The following PTPN11 variants were observed in gnomAD, a reference collection of about 807,000 sequenced individuals.
PTPN11 encodes the protein protein tyrosine phosphatase non-receptor type 11.
PTPN11 carries 6 observed loss-of-function variants against 78.8 expected under a neutral mutation model. That is an observed-to-expected ratio of 0.08 (90% CI 0.04 to 0.15). The LOEUF is 0.15. PTPN11 is among the 10% of genes least tolerant of loss of function. PTPN11 has a pLI of 1.00. For missense variants in PTPN11, 386 were observed against 744.8 expected (o/e 0.52, Z 5.61); for synonymous variants, 221 against 263.5 (o/e 0.84, Z 1.56).
intron 1 of PTPN11, among the ~76,000 whole-genome samples, chr12:112,444,145 T>G (rs150913938): frequency 2.1e-4 from 32 of 152,174 alleles, no homozygotes; most frequent in African/African-American, 7.5e-4. Flanking sequence ...CATTGTCCTT[T>G]AGTGACTGGC....
At chr12:112,435,251 C>T (rs983678119) in intron 1 of PTPN11, among the ~76,000 whole-genome samples, 2 of 152,102 alleles carry the variant, frequency 1.3e-5, no homozygotes, top group African/African-American at 4.8e-5. Context: ...AACTCCTGGT[C>T]TCAAGCAATC....
chr12:112,496,908 A>T (rs1002884772), intron 13 of PTPN11, among the ~76,000 whole-genome samples: 4 of 152,222 alleles, frequency 2.6e-5, no homozygotes, highest in Non-Finnish European at 4.4e-5. Flanking sequence ...GTAATGGGTC[A>T]GGCCTATAAT....
chr12:112,467,379 A>G (rs1437427183), intron 6 of PTPN11, among the ~76,000 whole-genome samples: 1 of 152,206 alleles, frequency 6.6e-6, no homozygotes, highest in Non-Finnish European at 1.5e-5. Context: ...TGGCTCCAGC[A>G]TCTGCTTCTG....
chr12:112,496,095 G>T (rs970197136), intron 13 of PTPN11, among the ~76,000 whole-genome samples: 3 of 152,168 alleles, frequency 2.0e-5, no homozygotes, highest in African/African-American at 7.2e-5. Context: ...AGAAAGATTT[G>T]TTCCTTCTCT....
rs1223760786 is a variant in PTPN11, at chr12:112,419,100, G to A, written c.-12G>A. 1.3e-5 allele frequency: 20 copies of A among 1,531,568 alleles called. No individual in the cohort carries two copies. Among genetic ancestry groups the A allele is most frequent in the East Asian group, 5.1e-5 (2 of 39,600 alleles). The allele number at this position is 1,531,568 out of a possible 1,614,324, so 94.9% of individuals were successfully genotyped here. On this transcript the variant is annotated 5_prime_UTR_variant, in exon 1 of 16. Coordinates refer to ENST00000351677, the MANE Select transcript of PTPN11 (RefSeq NM_002834.5). Reference sequence around the variant, plus strand: ...GAGCGGGTCCGTCGCGGAGCCGGAGGGCGGGAGGAACATGACATCGCGGAG... The same window carrying A: ...GAGCGGGTCCGTCGCGGAGCCGGAGAGCGGGAGGAACATGACATCGCGGAG...
intron 7 of PTPN11, 117 bp from the exon 8 acceptor site, chr12:112,477,534 T>G (rs747034536): frequency 2.7e-5 from 22 of 810,942 alleles, no homozygotes; most frequent in Non-Finnish European, 4.5e-5. Flanking sequence ...TTTTATGTGT[T>G]TTTTTTTCAA....
chr12:112,453,018 T>C (rs941531959), intron 3 of PTPN11, among the ~76,000 whole-genome samples, 177 bp from the exon 4 acceptor site: 1 of 152,204 alleles, frequency 6.6e-6, no homozygotes, highest in Non-Finnish European at 1.5e-5. Context: ...TTTGTGGTTT[T>C]TCCTGCCTGC....
intron 13 of PTPN11, among the ~76,000 whole-genome samples, chr12:112,500,257 C>A (rs1592861476): frequency 6.6e-6 from 1 of 152,028 alleles, no homozygotes; most frequent in African/African-American, 2.4e-5. Context: ...ACAACAACAA[C>A]AAAAAAACCA....
intron 13 of PTPN11, among the ~76,000 whole-genome samples, chr12:112,496,811 G>A (rs555850697): frequency 1.2e-4 from 18 of 152,296 alleles, no homozygotes; most frequent in Non-Finnish European, 2.4e-4. Context: ...CACAGGTAGC[G>A]TCTCTACACT....
At chr12:112,431,119 G>A (rs537062703) in intron 1 of PTPN11, among the ~76,000 whole-genome samples, 32 of 152,330 alleles carry the variant, frequency 2.1e-4, no homozygotes, top group African/African-American at 7.0e-4. Context: ...GACACCACCC[G>A]GGTCACAGAT....
intron 1 of PTPN11, among the ~76,000 whole-genome samples, chr12:112,439,616 G>A (rs1469584399): frequency 1.3e-5 from 2 of 151,822 alleles, no homozygotes; most frequent in South Asian, 2.1e-4. Context: ...CTATAGGCGC[G>A]CACCACCATA....
chr12:112,477,940 T>C lies in PTPN11; in HGVS notation c.1017T>C (p.Asn339=). 8.1e-6 allele frequency: 13 copies of C among 1,614,178 alleles called. No homozygotes were observed. The highest frequency in any genetic ancestry group is 1.1e-5 in the Non-Finnish European group (13 of 1,180,030). The change falls in exon 9 of 16, where the codon AAT becomes AAC. Residue 339 remains asparagine, a synonymous_variant. Transcript: ENST00000351677. Reference sequence around the variant, plus strand: ...AAGGCTGCCTGCAAAACACGGTGAATGACTTTTGGCGGATGGTGTTCCAAG... The same window carrying C: ...AAGGCTGCCTGCAAAACACGGTGAACGACTTTTGGCGGATGGTGTTCCAAG... ...ATQGCLQNTV[N]DFWRMVFQEN...
intron 6 of PTPN11, among the ~76,000 whole-genome samples, chr12:112,463,751 C>A (rs2135882991): frequency 6.6e-6 from 1 of 152,250 alleles, no homozygotes; most frequent in Middle Eastern, 3.4e-3. Context: ...AGAGGTCAGA[C>A]TGAGGTGGTA....
intron 13 of PTPN11, among the ~76,000 whole-genome samples, chr12:112,489,653 A>T (rs1197400779): frequency 6.6e-6 from 1 of 152,226 alleles, no homozygotes; most frequent in Non-Finnish European, 1.5e-5. Context: ...ATGAAGAGGA[A>T]TGTGGAATTG....
At chr12:112,448,498 T>C (rs2038028141) in intron 2 of PTPN11, among the ~76,000 whole-genome samples, 1 of 152,204 alleles carries the variant, frequency 6.6e-6, no homozygotes, top group South Asian at 2.1e-4. Flanking sequence ...ATTATAGGCA[T>C]GAGCCACCAT....
intron 5 of PTPN11, chr12:112,454,894 A>G: frequency 1.7e-6 from 1 of 586,646 alleles, no homozygotes; most frequent in East Asian, 3.4e-5. Context: ...ATCTTGGCTC[A>G]CTACAACCTC....
chr12:112,462,138 G>A (rs1010002940), intron 6 of PTPN11, among the ~76,000 whole-genome samples: 19 of 152,114 alleles, frequency 1.2e-4, no homozygotes, highest in Non-Finnish European at 2.4e-4. Context: ...AGGGAGGATC[G>A]CTGGACCTCA....
At chr12:112,492,553 C>G (rs949536308) in intron 13 of PTPN11, among the ~76,000 whole-genome samples, 1 of 151,112 alleles carries the variant, frequency 6.6e-6, no homozygotes, top group South Asian at 2.1e-4. Flanking sequence ...AGTCTCGCAC[C>G]GTCTCCCAGG....
At chr12:112,465,762 C>G (rs2038317276) in intron 6 of PTPN11, among the ~76,000 whole-genome samples, 1 of 152,196 alleles carries the variant, frequency 6.6e-6, no homozygotes, top group South Asian at 2.1e-4. Context: ...GTACCAAAGT[C>G]TCAGAGATTC....
Sources: gnomAD v4.1 joint callset for allele counts (sites outside exome capture counted in the v4.1 genomes callset) on GRCh38, gnomAD v4.1.1 for gene constraint, MANE v1.5 for transcripts, NCBI Gene and HGNC (gene_info 2026-07-23, HGNC 2026-07-21) for gene names.